PCDHA12: variants seen among roughly 807,000 people sequenced by gnomAD.
PCDHA12 encodes the protein protocadherin alpha 12.
PCDHA12 carries 44 observed loss-of-function variants against 60.0 expected under a neutral mutation model. The ratio of observed to expected loss-of-function variants is 0.73; its 90% CI spans 0.58 to 0.94. PCDHA12 has a LOEUF of 0.94. PCDHA12 is among the 40% of genes least tolerant of loss of function. The pLI, the probability that PCDHA12 is intolerant of heterozygous loss-of-function variation, is 0.00. For missense variants in PCDHA12, 1,276 were observed against 1,239.7 expected (o/e 1.03, Z -0.44); for synonymous variants, 569 against 553.0 (o/e 1.03, Z -0.40).
chr5:140,969,238 A>G, intron 1 of PCDHA12: 3 of 1,614,222 alleles, frequency 1.9e-6, no homozygotes, highest in South Asian at 1.1e-5. Flanking sequence ...GAGCCCAAGC[A>G]GCAGTGACTG....
intron 1 of PCDHA12, among the ~76,000 whole-genome samples, chr5:140,922,430 A>C (rs574413053): frequency 6.6e-6 from 1 of 152,364 alleles, no homozygotes; most frequent in East Asian, 1.9e-4. Flanking sequence ...GGCTGAGGGC[A>C]GAACTCTCTC....
intron 1 of PCDHA12, among the ~76,000 whole-genome samples, chr5:140,971,045 T>C (rs2096453995): frequency 6.6e-6 from 1 of 152,090 alleles, no homozygotes; most frequent in East Asian, 1.9e-4. Context: ...CGTAAAAGGG[T>C]TTAGCTTTAA....
At chr5:140,920,023 C>T (rs1554199365) in intron 1 of PCDHA12, among the ~76,000 whole-genome samples, 1 of 152,096 alleles carries the variant, frequency 6.6e-6, no homozygotes, top group Non-Finnish European at 1.5e-5. Flanking sequence ...AAGATGGAGA[C>T]AGAGATTGGA....
At chr5:140,966,063 C>T (rs2095963895) in intron 1 of PCDHA12, 1 of 153,130 alleles carries the variant, frequency 6.5e-6, no homozygotes, top group African/African-American at 2.4e-5. Flanking sequence ...CAGAGCGCCT[C>T]CCCCTGCGTT....
intron 1 of PCDHA12, among the ~76,000 whole-genome samples, chr5:140,939,737 G>GTA (rs1554212873): frequency 6.6e-6 from 1 of 152,160 alleles, no homozygotes; most frequent in Non-Finnish European, 1.5e-5. Flanking sequence ...GTGTAGCTGT[G>GTA]TATCATTCAT....
intron 1 of PCDHA12, among the ~76,000 whole-genome samples, chr5:140,964,195 T>C (rs2095816434): frequency 6.6e-6 from 1 of 152,216 alleles, no homozygotes; most frequent in South Asian, 2.1e-4. Context: ...AAATAGAGTA[T>C]ACCATCTCTT....
intron 2 of PCDHA12, among the ~76,000 whole-genome samples, chr5:140,981,175 T>C (rs1350828084): frequency 6.6e-6 from 1 of 152,238 alleles, no homozygotes; most frequent in African/African-American, 2.4e-5. Context: ...TTCCCTCTAA[T>C]AGTTCAAGTT....
chr5:140,917,154 T>C (rs1415714785), intron 1 of PCDHA12, among the ~76,000 whole-genome samples: 2 of 152,112 alleles, frequency 1.3e-5, no homozygotes, highest in East Asian at 1.9e-4. Flanking sequence ...TGCTGGGGGA[T>C]ATGGGAGGGG....
At chr5:140,999,494 C>G (rs2097859711) in intron 3 of PCDHA12, among the ~76,000 whole-genome samples, 1 of 152,064 alleles carries the variant, frequency 6.6e-6, no homozygotes, top group Non-Finnish European at 1.5e-5. Context: ...CTATGTTACC[C>G]AAGAACCTAC....
chr5:140,891,311 T>C (rs563637309), intron 1 of PCDHA12, among the ~76,000 whole-genome samples: 1 of 152,216 alleles, frequency 6.6e-6, no homozygotes, highest in African/African-American at 2.4e-5. Context: ...ATTACATGAG[T>C]AAGTTCTTTG....
At chr5:140,914,710 G>GT (rs1554196543) in intron 1 of PCDHA12, among the ~76,000 whole-genome samples, 1 of 151,256 alleles carries the variant, frequency 6.6e-6, no homozygotes, top group Non-Finnish European at 1.5e-5. Context: ...TTAATTTCTT[G>GT]TTTTTTATTT....
At chr5:140,897,560 T>C (rs1398247980) in intron 1 of PCDHA12, among the ~76,000 whole-genome samples, 1 of 152,200 alleles carries the variant, frequency 6.6e-6, no homozygotes, top group Non-Finnish European at 1.5e-5. Flanking sequence ...GGTGTATATG[T>C]GCCACATTTT....
At chr5:140,968,339 A>C in intron 1 of PCDHA12, 1 of 1,614,114 alleles carries the variant, frequency 6.2e-7, no homozygotes, top group Non-Finnish European at 8.5e-7. Flanking sequence ...TGTCTCCATT[A>C]ACAGTGCCAG....
chr5:140,965,353 A>C (rs1255008521), intron 1 of PCDHA12, among the ~76,000 whole-genome samples: 1 of 152,172 alleles, frequency 6.6e-6, no homozygotes, highest in Non-Finnish European at 1.5e-5. Flanking sequence ...TTGCCTCTAT[A>C]GCAGTACAAG....
Position 140,982,513 on chromosome 5 carries a change from G to A in PCDHA12, c.2465G>A (p.Gly822Asp). Residue 822 changes from glycine (G) to aspartate (D), a missense_variant, in exon 3 of 4, where the codon GGT (glycine) becomes GAT (aspartate). Transcript: ENST00000398631. ...HLEEAGILRA[G>D]PGGPDQQWPT... is the part of the protein sequence containing the mutation. ...GAGGAGGCTGGCATTCTACGGGCTGGTCCAGGAGGGCCTGATCAGCAGTGG... is the reference window on the plus strand; with the variant it reads ...GAGGAGGCTGGCATTCTACGGGCTGATCCAGGAGGGCCTGATCAGCAGTGG... The A allele has an allele frequency of 6.2e-7, 1 of 1,614,194 alleles. No individual in the cohort carries two copies. Among genetic ancestry groups the A allele is most frequent in the Non-Finnish European group, 8.5e-7 (1 of 1,180,032 alleles).
intron 1 of PCDHA12, among the ~76,000 whole-genome samples, chr5:140,976,410 G>C (rs1353790339): frequency 6.6e-6 from 1 of 152,074 alleles, no homozygotes; most frequent in Non-Finnish European, 1.5e-5. Context: ...AATTAGCCAG[G>C]TACGGTGGCA....
chr5:140,995,685 T>C (rs951521178), intron 3 of PCDHA12, among the ~76,000 whole-genome samples: 8 of 152,186 alleles, frequency 5.3e-5, no homozygotes, highest in African/African-American at 1.9e-4. Flanking sequence ...TTTTTTTTAA[T>C]TGTTAAATAA....
At chr5:140,992,430 C>T (rs1356224402) in intron 3 of PCDHA12, among the ~76,000 whole-genome samples, 1 of 152,042 alleles carries the variant, frequency 6.6e-6, no homozygotes, top group Non-Finnish European at 1.5e-5. Flanking sequence ...GAATATTGTT[C>T]CAAGAGTTGG....
At position 140,876,586 on chromosome 5, in the gene PCDHA12, A is replaced by C. The variant is rs782256478; in HGVS notation, c.1114A>C (p.Ile372Leu). 3 of 1,614,148 alleles carry C rather than the reference A, an allele frequency of 1.9e-6. No individual in the cohort carries two copies. The South Asian group carries it at 3.3e-5, about 18-fold the overall frequency. Residue 372 changes from isoleucine to leucine, a missense_variant, in exon 1 of 4, where the codon ATT (isoleucine) becomes CTT (leucine). By Grantham distance (5) the Ile-to-Leu change is conservative. Transcript: ENST00000398631. Reference sequence around the variant, plus strand: ...TCAGGTGGGTACCGTCATTGCCCTGATTAGCGTGTCGGATCGTGACTCTGG... The same window carrying C: ...TCAGGTGGGTACCGTCATTGCCCTGCTTAGCGTGTCGGATCGTGACTCTGG... ...DAQVGTVIAL[I>L]SVSDRDSGAN...
Sources: gnomAD v4.1 joint callset for allele counts (sites outside exome capture counted in the v4.1 genomes callset) on GRCh38, gnomAD v4.1.1 for gene constraint, MANE v1.5 for transcripts, NCBI Gene and HGNC (gene_info 2026-07-23, HGNC 2026-07-21) for gene names.